The following CSMD1 variants were observed in gnomAD, a reference collection of about 807,000 sequenced individuals.
CSMD1 encodes the protein CUB and Sushi multiple domains 1.
CSMD1 carries 213 observed loss-of-function variants against 417.5 expected under a neutral mutation model. The observed-to-expected ratio is 0.51, with a 90% CI of 0.46 to 0.57. The LOEUF is 0.57. CSMD1 is among the 20% of genes least tolerant of loss of function. The probability of loss-of-function intolerance (pLI) is 0.00; values close to 1 mark genes in which losing one functional copy is unlikely to be tolerated. For missense variants in CSMD1, 6,923 were observed against 4,529.7 expected (o/e 1.53, Z -15.17); for synonymous variants, 2,862 against 1,736.8 (o/e 1.65, Z -16.11).
At chr8:3,839,068 A>G (rs1319106460) in intron 5 of CSMD1, among the ~76,000 whole-genome samples, 1 of 126,696 alleles carries the variant, frequency 7.9e-6, no homozygotes, top group Non-Finnish European at 1.6e-5. Context: ...GCCTATAGAT[A>G]TATAGCCTAG....
At chr8:3,694,585 C>T (rs11784854) in intron 7 of CSMD1, among the ~76,000 whole-genome samples, 24,542 of 151,648 alleles carry the variant, frequency 0.16, 2,117 homozygotes, top group Middle Eastern at 0.27. Context: ...GACTCCCCAC[C>T]CTGCAAAACT....
intron 26 of CSMD1, among the ~76,000 whole-genome samples, chr8:3,282,204 G>A (rs1802791608): frequency 1.3e-5 from 2 of 152,118 alleles, no homozygotes; most frequent in South Asian, 4.1e-4. Flanking sequence ...GGAGAAAACT[G>A]TGGATATCGG....
chr8:3,984,688 G>C (rs1351806737), intron 5 of CSMD1, among the ~76,000 whole-genome samples: 1 of 128,656 alleles, frequency 7.8e-6, no homozygotes, highest in African/African-American at 2.9e-5. Flanking sequence ...ATGGGTTCAG[G>C]ATTCAGTGTA....
intron 3 of CSMD1, among the ~76,000 whole-genome samples, chr8:4,105,670 G>A (rs1273889670): frequency 6.6e-6 from 1 of 152,328 alleles, no homozygotes; most frequent in East Asian, 1.9e-4. Context: ...GACCCCATTA[G>A]CAGGTTTACC....
chr8:3,866,469 T>C (rs944037671), intron 5 of CSMD1, among the ~76,000 whole-genome samples: 1 of 152,188 alleles, frequency 6.6e-6, no homozygotes, highest in African/African-American at 2.4e-5. Flanking sequence ...GCTTGTGATA[T>C]TAATATTTTA....
At chr8:4,846,183 A>G (rs1385930026) in intron 1 of CSMD1, among the ~76,000 whole-genome samples, 1 of 152,228 alleles carries the variant, frequency 6.6e-6, no homozygotes, top group Non-Finnish European at 1.5e-5. Flanking sequence ...CATGCACCAA[A>G]GTACCAACAC....
chr8:3,690,735 T>A (rs541141456), intron 7 of CSMD1, among the ~76,000 whole-genome samples: 7 of 152,340 alleles, frequency 4.6e-5, no homozygotes, highest in African/African-American at 1.7e-4. Flanking sequence ...CAGTTTGTAC[T>A]GAGATACTCT....
At chr8:4,085,646 C>T (rs976582332) in intron 3 of CSMD1, among the ~76,000 whole-genome samples, 2 of 152,100 alleles carry the variant, frequency 1.3e-5, no homozygotes, top group Non-Finnish European at 2.9e-5. Flanking sequence ...AAAAAACCAG[C>T]CCTAGGTTTT....
At chr8:3,345,242 A>C (rs958747176) in intron 22 of CSMD1, among the ~76,000 whole-genome samples, 3 of 152,148 alleles carry the variant, frequency 2.0e-5, no homozygotes, top group Admixed American at 2.0e-4. Context: ...CGCACCGTGG[A>C]TCCCTGAGAG....
rs560866575 is a variant in CSMD1, at chr8:3,767,244, G to A, written c.819-13202C>T. Among the ~76,000 whole-genome samples, 7 of 152,312 alleles carry A rather than the reference G, an allele frequency of 4.6e-5. No individual in the cohort carries two copies. The East Asian group carries it at 1.2e-3, about 25-fold the overall frequency. On this transcript the variant is annotated intron_variant, in intron 5 of 69. Transcript: ENST00000635120. ...TGGACTGAGGCCAAAGAGCAGCTCA[G>A]GCTCTTTTATGAAAACCAGCCGCCT...
chr8:4,798,508 G>A (rs941307468), intron 1 of CSMD1, among the ~76,000 whole-genome samples: 1 of 152,160 alleles, frequency 6.6e-6, no homozygotes, highest in African/African-American at 2.4e-5. Flanking sequence ...TGCTTACTCT[G>A]ATATGTGAAC....
At chr8:3,303,327 C>T (rs9644335) in intron 25 of CSMD1, among the ~76,000 whole-genome samples, 74,605 of 152,002 alleles carry the variant, frequency 0.49, 20,844 homozygotes, top group South Asian at 0.63. Context: ...TCCTAGATCT[C>T]CAGTGCAATT....
intron 3 of CSMD1, among the ~76,000 whole-genome samples, chr8:4,287,722 A>T (rs1585163108): frequency 6.6e-6 from 1 of 151,602 alleles, no homozygotes; most frequent in African/African-American, 2.4e-5. Context: ...GAGGGTTAGC[A>T]AGTTACACAA....
At chr8:3,884,769 C>T (rs1048758015) in intron 5 of CSMD1, among the ~76,000 whole-genome samples, 7 of 151,924 alleles carry the variant, frequency 4.6e-5, no homozygotes, top group Non-Finnish European at 1.0e-4. Flanking sequence ...ATTCTAATCC[C>T]AATAGTATTC....
intron 5 of CSMD1, among the ~76,000 whole-genome samples, chr8:3,775,073 T>C (rs915303504): frequency 2.6e-5 from 4 of 152,178 alleles, no homozygotes; most frequent in Non-Finnish European, 4.4e-5. Context: ...AACTTACGAA[T>C]TGTTTGTTTC....
At chr8:3,100,259 G>T (rs1815634787) in intron 46 of CSMD1, among the ~76,000 whole-genome samples, 1 of 152,068 alleles carries the variant, frequency 6.6e-6, no homozygotes, top group Non-Finnish European at 1.5e-5. Context: ...TTGCCATTTT[G>T]CCCAGGCTGG....
At chr8:4,391,586 T>C (rs1203108511) in intron 3 of CSMD1, among the ~76,000 whole-genome samples, 1 of 151,998 alleles carries the variant, frequency 6.6e-6, no homozygotes, top group Non-Finnish European at 1.5e-5. Context: ...AGCTACCCTA[T>C]TTTTGCCCCC....
At chr8:3,261,573 G>A (rs1029774966) in intron 26 of CSMD1, among the ~76,000 whole-genome samples, 1 of 152,098 alleles carries the variant, frequency 6.6e-6, no homozygotes, top group Non-Finnish European at 1.5e-5. Flanking sequence ...TGTACTCATA[G>A]GAGTCCCAAT....
intron 10 of CSMD1, among the ~76,000 whole-genome samples, chr8:3,566,680 G>A (rs555776763): frequency 6.6e-6 from 1 of 152,180 alleles, no homozygotes; most frequent in South Asian, 2.1e-4. Context: ...TTAAAAAAAG[G>A]TCAACATCAC....
Sources: gnomAD v4.1 joint callset for allele counts (sites outside exome capture counted in the v4.1 genomes callset) on GRCh38, gnomAD v4.1.1 for gene constraint, MANE v1.5 for transcripts, NCBI Gene and HGNC (gene_info 2026-07-23, HGNC 2026-07-21) for gene names.